The following CTNNA3 variants were observed in gnomAD, a reference collection of about 807,000 sequenced individuals.
CTNNA3 encodes catenin alpha-3.
A neutral mutation model predicts 95.7 loss-of-function variants in CTNNA3; 76 were observed. The ratio of observed to expected loss-of-function variants is 0.79; its 90% CI spans 0.66 to 0.96. The LOEUF (loss-of-function observed/expected upper bound fraction) is 0.96. Among genes scored for constraint, CTNNA3 ranks in the 40% least tolerant of loss-of-function variants. The pLI is 0.00. For missense variants in CTNNA3, 1,191 were observed against 1,089.8 expected, an observed-to-expected ratio of 1.09 and a Z score of -1.31; for synonymous variants, 431 against 374.4, an observed-to-expected ratio of 1.15 and a Z score of -1.74.
chr10:66,923,997 T>C (rs193113428), intron 7 of CTNNA3, among the ~76,000 whole-genome samples: 106 of 152,356 alleles, frequency 7.0e-4, no homozygotes, highest in African/African-American at 2.4e-3. Context: ...GTATTATAAG[T>C]GTGCAAACCC....
intron 7 of CTNNA3, among the ~76,000 whole-genome samples, chr10:66,916,060 T>C (rs1846478602): frequency 3.9e-5 from 6 of 152,090 alleles, no homozygotes; most frequent in Admixed American, 3.3e-4. Flanking sequence ...TTGACATATA[T>C]TTTTAAATGT....
chr10:67,676,013 A>G (rs1163310780), intron 1 of CTNNA3, among the ~76,000 whole-genome samples: 1 of 152,140 alleles, frequency 6.6e-6, no homozygotes, highest in Non-Finnish European at 1.5e-5. Context: ...TATATTTTAA[A>G]TTAGCATATG....
rs117504850 is a variant in CTNNA3 at position 66,450,000 on chromosome 10, T to C, written c.1531+70617A>G. Among the ~76,000 whole-genome samples the C allele has an allele frequency of 3.9e-3, 527 of 134,554 alleles. 1 individual carries two copies. Among genetic ancestry groups the C allele is most frequent in the Non-Finnish European group, 6.3e-3 (397 of 63,266 alleles). 88.3% of individuals were successfully genotyped at this position (134,554 alleles called of 152,430 possible). The stretch of plus-strand genomic sequence containing the variant: ...ATATTCTCCATCAGAGATCTTAGTC[T>C]AAGTTCATAATTTTTTTTGAGGTAA... On this transcript the variant is annotated intron_variant, in intron 11 of 17. Transcript: ENST00000433211.
intron 7 of CTNNA3, among the ~76,000 whole-genome samples, chr10:67,112,179 A>G (rs1858942719): frequency 6.6e-6 from 1 of 152,140 alleles, no homozygotes; most frequent in South Asian, 2.1e-4. Context: ...TTTTCAATAT[A>G]TTATGGATAT....
chr10:66,520,520 G>T, intron 11 of CTNNA3, 97 bp downstream of exon 11: 1 of 1,085,368 alleles, frequency 9.2e-7, no homozygotes, highest in Non-Finnish European at 1.3e-6. Context: ...CCAAAGTGTT[G>T]GCATTACAGG....
intron 3 of CTNNA3, among the ~76,000 whole-genome samples, chr10:67,560,287 T>C (rs1841456323): frequency 6.6e-6 from 1 of 150,978 alleles, no homozygotes; most frequent in African/African-American, 2.4e-5. Context: ...ACAGCGGATG[T>C]CTCGGCAGAA....
intron 12 of CTNNA3, among the ~76,000 whole-genome samples, chr10:66,362,427 T>C (rs1289496644): frequency 6.6e-6 from 1 of 151,526 alleles, no homozygotes. Context: ...GGTAATTTGA[T>C]AGGCCAGGTG....
chr10:66,512,642 C>T (rs528261816), intron 11 of CTNNA3, among the ~76,000 whole-genome samples: 114 of 152,178 alleles, frequency 7.5e-4, no homozygotes, highest in Admixed American at 3.3e-3. Context: ...AACATCCTTT[C>T]GCTTTCAGAG....
At chr10:66,485,443 C>T (rs774834806) in intron 11 of CTNNA3, among the ~76,000 whole-genome samples, 1 of 151,974 alleles carries the variant, frequency 6.6e-6, no homozygotes, top group Admixed American at 6.6e-5. Flanking sequence ...TTTCTCTACG[C>T]TAACAGGGAA....
At chr10:67,030,745 C>A (rs2133108267) in intron 7 of CTNNA3, among the ~76,000 whole-genome samples, 1 of 152,248 alleles carries the variant, frequency 6.6e-6, no homozygotes, top group South Asian at 2.1e-4. Context: ...GTGGCTCACG[C>A]CTGTGATCCC....
chr10:66,970,444 G>T (rs1476303756), intron 7 of CTNNA3, among the ~76,000 whole-genome samples: 1 of 147,482 alleles, frequency 6.8e-6, no homozygotes, highest in Non-Finnish European at 1.5e-5. Context: ...TATTACATTT[G>T]AGTTCAGTGA....
chr10:66,808,371 C>CA (rs1385188122), intron 7 of CTNNA3, among the ~76,000 whole-genome samples: 1 of 152,094 alleles, frequency 6.6e-6, no homozygotes, highest in African/African-American at 2.4e-5. Flanking sequence ...GTTCAGTGAG[C>CA]AAAAGCACAC....
chr10:65,944,888 CT>C (rs200852660), intron 17 of CTNNA3, among the ~76,000 whole-genome samples: 3 of 113,186 alleles, frequency 2.7e-5, no homozygotes, highest in Non-Finnish European at 4.1e-5. Context: ...ATCTATCTAT[CT>C]ATCTATCTAT....
At chr10:66,951,218 C>A (rs1382450275) in intron 7 of CTNNA3, among the ~76,000 whole-genome samples, 8 of 151,540 alleles carry the variant, frequency 5.3e-5, no homozygotes, top group Admixed American at 1.3e-4. Context: ...TGGGTTCAAG[C>A]GATTCTCCTG....
intron 11 of CTNNA3, among the ~76,000 whole-genome samples, chr10:66,414,335 C>T (rs1421765707): frequency 6.6e-6 from 1 of 152,068 alleles, no homozygotes; most frequent in African/African-American, 2.4e-5. Flanking sequence ...AAAATAGTGA[C>T]AGGCAATATC....
chr10:66,249,582 A>G (rs1184743989), intron 13 of CTNNA3, among the ~76,000 whole-genome samples: 1 of 152,198 alleles, frequency 6.6e-6, no homozygotes, highest in Non-Finnish European at 1.5e-5. Context: ...TAATGAGATA[A>G]CATCTCACCC....
At chr10:66,310,451 T>C (rs1032658816) in intron 12 of CTNNA3, among the ~76,000 whole-genome samples, 2 of 152,186 alleles carry the variant, frequency 1.3e-5, no homozygotes, top group African/African-American at 4.8e-5. Context: ...AAATTGCCTT[T>C]ATTTGGGCAA....
At chr10:67,592,321 A>G (rs909182063) in intron 3 of CTNNA3, among the ~76,000 whole-genome samples, 1 of 152,118 alleles carries the variant, frequency 6.6e-6, no homozygotes, top group Admixed American at 6.5e-5. Context: ...GAATTTGCTG[A>G]ACTGCTGGAG....
intron 13 of CTNNA3, among the ~76,000 whole-genome samples, chr10:66,105,626 T>A (rs2081863589): frequency 6.6e-6 from 1 of 152,212 alleles, no homozygotes; most frequent in Non-Finnish European, 1.5e-5. Context: ...GGGGATGCTG[T>A]ACGAAGAGAT....
Sources: gnomAD v4.1 joint callset for allele counts (sites outside exome capture counted in the v4.1 genomes callset) on GRCh38, gnomAD v4.1.1 for gene constraint, MANE v1.5 for transcripts, NCBI Gene and HGNC (gene_info 2026-07-23, HGNC 2026-07-21) for gene names.